Variants in FOXJ2 observed in about 807,000 individuals in gnomAD.
FOXJ2 encodes the protein forkhead box J2.
A neutral mutation model predicts 68.4 loss-of-function variants in FOXJ2; 18 were observed. That is an observed-to-expected ratio of 0.26 (90% CI 0.18 to 0.39). FOXJ2 has a LOEUF of 0.39. Among genes scored for constraint, FOXJ2 ranks in the 10% least tolerant of loss-of-function variants. FOXJ2 has a pLI of 1.00. For synonymous variants in FOXJ2, 274 were observed against 263.2 expected, an observed-to-expected ratio of 1.04 and a Z score of -0.40; for missense variants, 670 against 726.5, an observed-to-expected ratio of 0.92 and a Z score of 0.89.
Position 8,047,989 on chromosome 12 carries a change from C to T in FOXJ2, c.925C>T (p.Gln309Ter). ...QQQQQQQQPPQPPPQQSQPQQ... is the reference protein window; with the variant it reads ...QQQQQQQQPP ...GCAGCAGCAGCAGCAGCAGCCGCCA[C>T]AGCCACCTCCCCAGCAGTCCCAGCC... is the stretch of plus-strand genomic sequence containing the variant. The change falls in exon 7 of 11, where the codon CAG (glutamine) becomes TAG (stop). Residue 309 changes from glutamine (Q) to a stop codon, truncating the protein, a stop_gained. Coordinates refer to ENST00000162391, the MANE Select transcript of FOXJ2 (RefSeq NM_018416.3). LOFTEE classifies it high-confidence loss of function. 1 of 1,613,834 alleles carries T rather than the reference C, an allele frequency of 6.2e-7. No homozygotes were observed. The highest frequency in any genetic ancestry group is 8.5e-7 in the Non-Finnish European group (1 of 1,179,892).
rs1411139060 is a variant in FOXJ2 at position 8,053,549 on chromosome 12, A to G, written c.*699A>G. On this transcript the variant is annotated 3_prime_UTR_variant, in exon 11 of 11. Transcript: ENST00000162391. This position sits in a 1 kb window ranked among gnomAD's most constrained non-coding sequence, Gnocchi z 4.1. Reference sequence around the variant, plus strand: ...TGGAGACCATTGGAAGGGATGGAATATAAGTCAGTGTGAAACTGAGTATAC... The same window carrying G: ...TGGAGACCATTGGAAGGGATGGAATGTAAGTCAGTGTGAAACTGAGTATAC... 6.6e-6 allele frequency: 1 copy of G among 152,654 alleles called. No individual in the cohort carries two copies. The highest frequency in any genetic ancestry group is 1.5e-5 in the Non-Finnish European group (1 of 68,056). 9.5% of individuals were successfully genotyped at this position (152,654 alleles called of 1,614,324 possible).
At chr12:8,041,196 CTTTTCTTTTT>C (rs1050132216) in intron 2 of FOXJ2, among the ~76,000 whole-genome samples, 2 of 150,552 alleles carry the variant, frequency 1.3e-5, no homozygotes, top group Non-Finnish European at 3.0e-5. Context: ...GCTTTCTTTT[CTTTTCTTTTT>C]TTTTTTGTGG....
Position 8,053,354 on chromosome 12 carries a change from T to A in FOXJ2, c.*504T>A, listed in dbSNP as rs186992887. 1 of 152,776 alleles carries A rather than the reference T, an allele frequency of 6.5e-6. No individual in the cohort carries two copies. The highest frequency in any genetic ancestry group is 1.9e-4 in the East Asian group (1 of 5,194). The allele number at this position is 152,776 out of a possible 1,614,324, so 9.5% of individuals were successfully genotyped here. The stretch of plus-strand genomic sequence containing the variant: ...ACCAAGTAGAAAGGGTCTGAAACAT[T>A]ACTTGGCAGCCAAGAATTTGGAGGT... On this transcript the variant is annotated 3_prime_UTR_variant, in exon 11 of 11. Transcript: ENST00000162391. This position sits in a 1 kb window ranked among gnomAD's most constrained non-coding sequence, Gnocchi z 4.1.
rs968410341 is a variant in FOXJ2, at chr12:8,035,705, C to T, written c.-15+1872C>T. Among the ~76,000 whole-genome samples the T allele has an allele frequency of 3.3e-5, 5 of 152,172 alleles. No individual in the cohort carries two copies. The highest frequency in any genetic ancestry group is 7.2e-5 in the African/African-American group (3 of 41,430). On this transcript the variant is annotated intron_variant, in intron 1 of 10. Transcript: ENST00000162391. The surrounding 1 kb of genome is among the most constrained non-coding windows in gnomAD (Gnocchi z 4.0). ...CCCTGCTTGGACTGAGTTCCCTAAC[C>T]CTGCTTGCTTCTCTGGAATCAGTTA...
At chr12:8,044,702 G>T in intron 5 of FOXJ2, 58 bp from the exon 6 acceptor site, 1 of 1,579,226 alleles carries the variant, frequency 6.3e-7, no homozygotes, top group Non-Finnish European at 8.7e-7. Context: ...ACCATTGAAG[G>T]GTTTTATTGG....
Position 8,048,307 on chromosome 12 carries a change from A to C in FOXJ2, c.1225+18A>C. The C allele has an allele frequency of 6.5e-7, 1 of 1,537,448 alleles. No homozygotes were observed. The highest frequency in any genetic ancestry group is 1.3e-5 in the South Asian group (1 of 79,678). Reference sequence around the variant, plus strand: ...TGGCTTTGGTGAGTAAGGAGGGTGCACAGTGATCTAGAGGAGGGTGGGGTG... The same window carrying C: ...TGGCTTTGGTGAGTAAGGAGGGTGCCCAGTGATCTAGAGGAGGGTGGGGTG... On this transcript the variant is annotated intron_variant, in intron 7 of 10. Transcript: ENST00000162391.
chr12:8,052,271 G>A (rs1947135932), intron 10 of FOXJ2, among the ~76,000 whole-genome samples: 1 of 150,322 alleles, frequency 6.7e-6, no homozygotes, highest in African/African-American at 2.5e-5. Context: ...CGCCCAGGCT[G>A]GAGTGCAATG....
intron 3 of FOXJ2, 143 bp from the exon 4 acceptor site, chr12:8,043,558 G>C (rs994490214): frequency 2.6e-6 from 2 of 770,124 alleles, no homozygotes; most frequent in Non-Finnish European, 4.4e-6. Context: ...CAAAACAATC[G>C]AGGCCTGTGT....
chr12:8,034,388 C>T (rs1028237914), intron 1 of FOXJ2, among the ~76,000 whole-genome samples: 3 of 152,192 alleles, frequency 2.0e-5, no homozygotes, highest in Non-Finnish European at 4.4e-5. Flanking sequence ...ATCTCAGATA[C>T]CAAGAGGCCT....
chr12:8,045,697 G>T (rs1336851800), intron 6 of FOXJ2, among the ~76,000 whole-genome samples: 1 of 151,334 alleles, frequency 6.6e-6, no homozygotes, highest in Non-Finnish European at 1.5e-5. Flanking sequence ...GCTCTTTGTT[G>T]CTCAGGCTAG....
chr12:8,048,410 C>T (rs1490738964), intron 7 of FOXJ2, 121 bp downstream of exon 7: 3 of 1,441,832 alleles, frequency 2.1e-6, no homozygotes, highest in African/African-American at 2.8e-5. Flanking sequence ...TTCGCTCCTT[C>T]ATGTGAGCTA....
At chr12:8,050,483 C>T (rs1947101695) in intron 9 of FOXJ2, 39 bp from the exon 10 acceptor site, 12 of 1,586,594 alleles carry the variant, frequency 7.6e-6, no homozygotes, top group Non-Finnish European at 1.0e-5. Context: ...CAGTGACCCG[C>T]CCCCCCCAAC....
At position 8,038,461 on chromosome 12, in the gene FOXJ2, G is replaced by C. The variant is rs750403679; in HGVS notation, c.-14-1358G>C. 3.9e-5 allele frequency among the ~76,000 whole-genome samples: 6 copies of C among 152,288 alleles called. No homozygotes were observed. The East Asian group carries it at 5.8e-4, about 15-fold the overall frequency. ...GAGATCACTTACATCATACGTTTCT[G>C]TTCAGGATTCTGAACTTTGAGGCAA... On this transcript the variant is annotated intron_variant, in intron 1 of 10. Coordinates refer to ENST00000162391, the MANE Select transcript of FOXJ2 (RefSeq NM_018416.3). This position sits in a 1 kb window ranked among gnomAD's most constrained non-coding sequence, Gnocchi z 5.3.
chr12:8,048,383 T>C (rs1947069671), intron 7 of FOXJ2, 94 bp downstream of exon 7: 3 of 1,492,084 alleles, frequency 2.0e-6, no homozygotes, highest in Non-Finnish European at 2.7e-6. Flanking sequence ...AGGAAGTTAA[T>C]GATGGGTCTT....
In FOXJ2 at chr12:8,048,140, C is replaced by T; in HGVS notation, c.1076C>T (p.Pro359Leu). The change falls in exon 7 of 11, where the codon CCT becomes CTT. Residue 359 changes from proline (P) to leucine (L), a missense_variant. By Grantham distance (98) the Pro-to-Leu change is moderately conservative (BLOSUM62 -3). Coordinates refer to ENST00000162391, the MANE Select transcript of FOXJ2 (RefSeq NM_018416.3). ...GKQAGAEGYG[P>L]PPVMAMHPPP... ...CAAGCTGGGGCGGAAGGCTATGGGC[C>T]TCCCCCTGTAATGGCCATGCATCCA... 6.2e-6 allele frequency: 10 copies of T among 1,613,832 alleles called. No individual in the cohort carries two copies. The highest frequency in any genetic ancestry group is 8.5e-6 in the Non-Finnish European group (10 of 1,179,850).
rs1413266875 is a variant in FOXJ2 at position 8,038,732 on chromosome 12, C to T, written c.-14-1087C>T. On this transcript the variant is annotated intron_variant, in intron 1 of 10. Coordinates refer to ENST00000162391, the MANE Select transcript of FOXJ2 (RefSeq NM_018416.3). This position sits in a 1 kb window ranked among gnomAD's most constrained non-coding sequence, Gnocchi z 5.3. ...GCAAGATGTCACTAGCTATACCTCT[C>T]TGCTGGCAAGAGTGCCCAGGCAGTG... Among the ~76,000 whole-genome samples, 4 of 152,248 alleles carry T rather than the reference C, an allele frequency of 2.6e-5. No individual in the cohort carries two copies. Among genetic ancestry groups the T allele is most frequent in the African/African-American group, 4.8e-5 (2 of 41,468 alleles).
In FOXJ2 at chr12:8,038,413, G is replaced by T. The variant is rs1358679295; in HGVS notation, c.-14-1406G>T. Among the ~76,000 whole-genome samples the T allele has an allele frequency of 6.6e-6, 1 of 151,926 alleles. No homozygotes were observed. The highest frequency in any genetic ancestry group is 1.5e-5 in the Non-Finnish European group (1 of 67,944). On this transcript the variant is annotated intron_variant, in intron 1 of 10. Coordinates refer to ENST00000162391, the MANE Select transcript of FOXJ2 (RefSeq NM_018416.3). The surrounding 1 kb of genome is among the most constrained non-coding windows in gnomAD (Gnocchi z 5.3). ...TGTTGTATTTTATGGATACGCTTGTGCATATATCTGGCTGTGGATTTAGAG... is the reference window on the plus strand; with the variant it reads ...TGTTGTATTTTATGGATACGCTTGTTCATATATCTGGCTGTGGATTTAGAG...
chr12:8,036,905 A>G (rs1262577407), intron 1 of FOXJ2, among the ~76,000 whole-genome samples: 1 of 152,158 alleles, frequency 6.6e-6, no homozygotes, highest in Non-Finnish European at 1.5e-5. Context: ...CCAGGCCAAC[A>G]TGGTGAAACC....
rs1388472086 is a variant in FOXJ2 at position 8,054,377 on chromosome 12, G to A, written c.*1527G>A. On this transcript the variant is annotated 3_prime_UTR_variant, in exon 11 of 11. Coordinates refer to ENST00000162391, the MANE Select transcript of FOXJ2 (RefSeq NM_018416.3). The stretch of plus-strand genomic sequence containing the variant: ...CTTATTTCACTTGCTGAAAAGCTGT[G>A]GGACAAAATGTATGGAATAGACAAG... 1 of 152,210 alleles carries A rather than the reference G, an allele frequency of 6.6e-6. No individual in the cohort carries two copies. The highest frequency in any genetic ancestry group is 6.5e-5 in the Admixed American group (1 of 15,282). The allele number at this position is 152,210 out of a possible 1,614,324, so 9.4% of individuals were successfully genotyped here.
Sources: gnomAD v4.1 joint callset for allele counts (sites outside exome capture counted in the v4.1 genomes callset) on GRCh38, gnomAD v4.1.1 for gene constraint, Gnocchi (gnomAD v3.1) non-coding constraint, MANE v1.5 for transcripts, NCBI Gene and HGNC (gene_info 2026-07-23, HGNC 2026-07-21) for gene names.